The following PLXNA2 variants were observed in gnomAD, a reference collection of about 807,000 sequenced individuals.
The protein encoded by PLXNA2 is plexin-A2.
Under a neutral mutation model 193.5 loss-of-function variants are expected in PLXNA2, and 91 were observed. The ratio of observed to expected loss-of-function variants is 0.47; its 90% confidence interval spans 0.40 to 0.56. The LOEUF is 0.56. Among genes scored for constraint, PLXNA2 ranks in the 20% least tolerant of loss-of-function variants. PLXNA2 has a pLI of 0.00. For synonymous variants in PLXNA2, 997 were observed against 1,027.3 expected (o/e 0.97, Z 0.56); for missense variants, 1,995 against 2,503.2 (o/e 0.80, Z 4.33).
At chr1:208,137,862 C>T (rs1287373460) in intron 4 of PLXNA2, among the ~76,000 whole-genome samples, 2 of 152,118 alleles carry the variant, frequency 1.3e-5, no homozygotes, top group African/African-American at 2.4e-5. Context: ...CCTCTCTAGG[C>T]AGAATGTAAG....
chr1:208,045,361 A>T, intron 18 of PLXNA2, 151 bp from the exon 19 acceptor site: 4 of 669,634 alleles, frequency 6.0e-6, no homozygotes, highest in Non-Finnish European at 1.0e-5. Flanking sequence ...GGGGACTTCT[A>T]ACAGCCATGA....
chr1:208,054,453 T>A lies in PLXNA2; in HGVS notation c.2824A>T (p.Met942Leu), dbSNP rs757470444. ...GTGTACTGCTGATGGGACTTCGTCA[T>A]GAACTCTGGCTTACACTCGCCAATA... is the stretch of plus-strand genomic sequence containing the variant. ...LCIGECKPEFMTKSHQQYTFV... is the reference protein window; with the variant it reads ...LCIGECKPEFLTKSHQQYTFV... Residue 942 changes from methionine (M) to leucine (L), a missense_variant, in exon 14 of 32, where the codon ATG (methionine) becomes TTG (leucine). By Grantham distance (15) the Met-to-Leu change is conservative. Transcript: ENST00000367033. The A allele has an allele frequency of 6.2e-7, 1 of 1,614,152 alleles. No homozygotes were observed.
At chr1:208,081,181 A>G (rs148421434) in intron 11 of PLXNA2, among the ~76,000 whole-genome samples, 17 of 152,324 alleles carry the variant, frequency 1.1e-4, no homozygotes, top group South Asian at 2.1e-4. Flanking sequence ...ATTGTCTCCT[A>G]TGTTTTAGCA....
rs1668195171 is a variant in PLXNA2, at chr1:208,132,679, G to A, written c.1506+9650C>T. 2.0e-5 allele frequency among the ~76,000 whole-genome samples: 3 copies of A among 152,122 alleles called. No homozygotes were observed. In the South Asian group the frequency reaches 6.2e-4, roughly 32 times the overall value. On this transcript the variant is annotated intron_variant, in intron 4 of 31. Transcript: ENST00000367033. ...GGTGGTTAAGCTTTTTTTAGGTGTG[G>A]CTGTTTGCAAAGCATGACCTGCAGG... is the stretch of plus-strand genomic sequence containing the variant.
Position 208,051,272 on chromosome 1 carries a change from C to G in PLXNA2, c.3145G>C (p.Glu1049Gln). ...DDPRVQRIEP[E>Q]WSIASGHTPL... ...CCACCTCACCTGGCAATGCTCCACT[C>G]TGGCTCGATGCGCTGGACCCGAGGG... The change falls in exon 16 of 32, where the codon GAG becomes CAG. Residue 1049 changes from glutamate (E) to glutamine (Q), a missense_variant. Physicochemically the swap from Glu to Gln is conservative, Grantham distance 29. Transcript: ENST00000367033. 1.9e-6 allele frequency: 3 copies of G among 1,610,574 alleles called. No homozygotes were observed. The highest frequency in any genetic ancestry group is 2.5e-6 in the Non-Finnish European group (3 of 1,177,840).
chr1:208,078,531 C>T (rs899716745), intron 12 of PLXNA2, among the ~76,000 whole-genome samples: 2 of 152,120 alleles, frequency 1.3e-5, no homozygotes, highest in Non-Finnish European at 2.9e-5. Context: ...TCCTAGCCAC[C>T]ACCAGGAAAG....
At chr1:208,193,493 G>A (rs951049113) in intron 3 of PLXNA2, among the ~76,000 whole-genome samples, 2 of 152,126 alleles carry the variant, frequency 1.3e-5, no homozygotes, top group African/African-American at 2.4e-5. Context: ...CCATAATATC[G>A]CAGCCCATGG....
In PLXNA2 at chr1:208,217,155, G is replaced by C; in HGVS notation, c.768C>G (p.Leu256=). 1 of 1,614,210 alleles carries C rather than the reference G, an allele frequency of 6.2e-7. No individual in the cohort carries two copies. Among genetic ancestry groups the C allele is most frequent in the Non-Finnish European group, 8.5e-7 (1 of 1,180,036 alleles). ...CCTCAGGGGTCTCGGGCTGGACAGTGAGAAAGTAGACAAAGCCCCCACTAG... is the reference window on the plus strand; with the variant it reads ...CCTCAGGGGTCTCGGGCTGGACAGTCAGAAAGTAGACAAAGCCCCCACTAG... ...GFASGGFVYF[L]TVQPETPEGV... Residue 256 remains leucine (L), a synonymous_variant, in exon 2 of 32, where the codon CTC becomes CTG. Transcript: ENST00000367033. This position sits in a 1 kb window ranked among gnomAD's most constrained non-coding sequence, Gnocchi z 4.7.
chr1:208,181,405 T>C (rs974474129), intron 3 of PLXNA2, among the ~76,000 whole-genome samples: 1 of 152,156 alleles, frequency 6.6e-6, no homozygotes, highest in Non-Finnish European at 1.5e-5. Flanking sequence ...AAATCACAGC[T>C]CCAGTGACAG....
chr1:208,105,597 C>T (rs1286317344), intron 4 of PLXNA2, among the ~76,000 whole-genome samples: 1 of 152,216 alleles, frequency 6.6e-6, no homozygotes, highest in African/African-American at 2.4e-5. Context: ...TAAAGAATAA[C>T]CCTTGAACCC....
chr1:208,038,894 T>C lies in PLXNA2; in HGVS notation c.4591A>G (p.Lys1531Glu). 2 of 1,614,010 alleles carry C rather than the reference T, an allele frequency of 1.2e-6. No homozygotes were observed. The highest frequency in any genetic ancestry group is 1.7e-6 in the Non-Finnish European group (2 of 1,179,932). The change falls in exon 25 of 32, where the codon AAG becomes GAG. Residue 1531 changes from lysine (K) to glutamate (E), a missense_variant. Around this residue, in one of 3 missense-constraint regions of PLXNA2, gnomAD observed 1,291 missense variants for 1,673.6 expected, o/e 0.77. Coordinates refer to ENST00000367033, the MANE Select transcript of PLXNA2 (RefSeq NM_025179.4). The surrounding 1 kb of genome is among the most constrained non-coding windows in gnomAD (Gnocchi z 4.1). ...TTCTTATACACGGCATCAAGAATCT[T>C]CTCCTTGACCTGTGTGATGGTGTCA... ...NCDTITQVKE[K>E]ILDAVYKNVP...
At position 208,039,692 on chromosome 1, in the gene PLXNA2, T is replaced by C. The variant is rs1664800395; in HGVS notation, c.4429A>G (p.Ile1477Val). 2 of 1,614,222 alleles carry C rather than the reference T, an allele frequency of 1.2e-6. No individual in the cohort carries two copies. The highest frequency in any genetic ancestry group is 2.7e-5 in the African/African-American group (2 of 75,064). Reference sequence around the variant, plus strand: ...AGGGAGTAGCGGGCCTCGCCCGTGATGGCATCAATGGGGCCCTTCTCCATC... The same window carrying C: ...AGGGAGTAGCGGGCCTCGCCCGTGACGGCATCAATGGGGCCCTTCTCCATC... ...QQMEKGPIDA[I>V]TGEARYSLSE... Residue 1477 changes from isoleucine to valine, a missense_variant, in exon 24 of 32, where the codon ATC becomes GTC. Ile to Val is a conservative substitution (Grantham distance 29, BLOSUM62 3). Coordinates refer to ENST00000367033, the MANE Select transcript of PLXNA2 (RefSeq NM_025179.4).
chr1:208,220,734 A>T (rs1460029200), intron 1 of PLXNA2, among the ~76,000 whole-genome samples: 1 of 151,706 alleles, frequency 6.6e-6, no homozygotes, highest in African/African-American at 2.4e-5. Flanking sequence ...GAGCCACTGC[A>T]CCTGGCCTGT....
chr1:208,176,047 AT>A (rs1281083096), intron 3 of PLXNA2, among the ~76,000 whole-genome samples: 2 of 152,184 alleles, frequency 1.3e-5, no homozygotes, highest in Non-Finnish European at 2.9e-5. Flanking sequence ...TTTACAGTTT[AT>A]AATAGGCTTT....
rs1558161717 is a variant in PLXNA2 at position 208,044,134 on chromosome 1, G to A, written c.3874+374C>T. ...GCTGCTCCCACGTGCTGCGAAGACA[G>A]TGTGCAGAAAAACAAGAGCTGGACA... On this transcript the variant is annotated intron_variant, in intron 20 of 31. Transcript: ENST00000367033. This position sits in a 1 kb window ranked among gnomAD's most constrained non-coding sequence, Gnocchi z 4.9. Among the ~76,000 whole-genome samples, 2 of 152,222 alleles carry A rather than the reference G, an allele frequency of 1.3e-5. No homozygotes were observed. The highest frequency in any genetic ancestry group is 6.5e-5 in the Admixed American group (1 of 15,270).
Position 208,217,572 on chromosome 1 carries a change from G to A in PLXNA2, c.351C>T (p.Leu117=). The part of the protein sequence containing the change: ...LTLTNNVNKL[L]IIDYSENRLL... ...GGCGGTTCTCAGAGTAGTCAATGAT[G>A]AGCAGCTTGTTGACATTGTTGGTGA... is the stretch of plus-strand genomic sequence containing the variant. Residue 117 remains leucine, a synonymous_variant, in exon 2 of 32, where the codon CTC becomes CTT. Transcript: ENST00000367033. The surrounding 1 kb of genome is among the most constrained non-coding windows in gnomAD (Gnocchi z 4.7). 2 of 1,614,204 alleles carry A rather than the reference G, an allele frequency of 1.2e-6. No homozygotes were observed. Among genetic ancestry groups the A allele is most frequent in the African/African-American group, 1.3e-5 (1 of 75,052 alleles).
At chr1:208,055,411 AT>A (rs1665398868) in intron 13 of PLXNA2, among the ~76,000 whole-genome samples, 1 of 148,488 alleles carries the variant, frequency 6.7e-6, no homozygotes, top group Non-Finnish European at 1.5e-5. Flanking sequence ...GCAGCTGAGG[AT>A]GGGGAGAGAT....
rs1041472454 is a variant in PLXNA2 at position 208,149,143 on chromosome 1, C to A, written c.1372-6680G>T. 2.6e-5 allele frequency among the ~76,000 whole-genome samples: 4 copies of A among 152,082 alleles called. No homozygotes were observed. In the East Asian group the frequency reaches 7.7e-4, roughly 29 times the overall value. Reference sequence around the variant, plus strand: ...TTGTGGTCTATTAACATATATGTGGCATGTGAATGTGTATGTGTGTGGCAT... The same window carrying A: ...TTGTGGTCTATTAACATATATGTGGAATGTGAATGTGTATGTGTGTGGCAT... On this transcript the variant is annotated intron_variant, in intron 3 of 31. Transcript: ENST00000367033.
intron 9 of PLXNA2, among the ~76,000 whole-genome samples, chr1:208,090,818 CTG>C (rs767612620): frequency 5.3e-5 from 8 of 152,208 alleles, no homozygotes; most frequent in Non-Finnish European, 8.8e-5. Flanking sequence ...GTTTCTGAGA[CTG>C]TGTCTCATAC....
Sources: allele counts gnomAD v4.1 joint callset (sites outside exome capture counted in the v4.1 genomes callset), GRCh38; gene constraint gnomAD v4.1.1; regional missense constraint gnomAD v4.1.1; non-coding constraint Gnocchi (gnomAD v3.1); transcripts MANE v1.5; gene names NCBI Gene and HGNC (gene_info 2026-07-23, HGNC 2026-07-21).